ZNF284: variants seen among roughly 807,000 people sequenced by gnomAD.
ZNF284 encodes the protein zinc finger protein 284.
Under a neutral mutation model 12.9 loss-of-function variants are expected in ZNF284, and 12 were observed. The ratio of observed to expected loss-of-function variants is 0.93; its 90% CI spans 0.60 to 1.51. ZNF284 has a LOEUF of 1.51. Among genes scored for constraint, ZNF284 ranks in the 40% most tolerant of loss-of-function variants. The pLI, the probability that ZNF284 is intolerant of heterozygous loss-of-function variation, is 0.00. For synonymous variants in ZNF284, 225 were observed against 236.5 expected, an observed-to-expected ratio of 0.95 and a Z score of 0.45; for missense variants, 667 against 707.3, an observed-to-expected ratio of 0.94 and a Z score of 0.65.
intron 1 of ZNF284, among the ~76,000 whole-genome samples, chr19:44,074,059 G>A (rs1320874214): frequency 2.7e-5 from 4 of 150,898 alleles, no homozygotes. Context: ...TTTGGTAAAT[G>A]TTTCCTGATA....
At chr19:44,083,070 T>C (rs1967153446) in intron 4 of ZNF284, among the ~76,000 whole-genome samples, 1 of 152,124 alleles carries the variant, frequency 6.6e-6, no homozygotes, top group Non-Finnish European at 1.5e-5. Context: ...CCTCAAGACC[T>C]TCTGACCCTT....
Position 44,086,565 on chromosome 19 carries a change from A to G in ZNF284, c.1087A>G (p.Met363Val), listed in dbSNP as rs757814138. The G allele has an allele frequency of 5.0e-6, 8 of 1,614,116 alleles. No individual in the cohort carries two copies. Among genetic ancestry groups the G allele is most frequent in the Middle Eastern group, 1.6e-4 (1 of 6,084 alleles). Residue 363 changes from methionine to valine, a missense_variant, in exon 5 of 5, where the codon ATG (methionine) becomes GTG (valine). Met to Val is a conservative substitution (Grantham distance 21). Transcript: ENST00000421176. ...TCRQDLCKHQMDHTGDKPYNC... is the reference protein window; with the variant it reads ...TCRQDLCKHQVDHTGDKPYNC... ...TAGGCAAGATCTTTGTAAGCATCAG[A>G]TGGACCATACAGGAGACAAACCATA... is the stretch of plus-strand genomic sequence containing the variant.
At chr19:44,080,362 C>T (rs1358897501) in intron 2 of ZNF284, among the ~76,000 whole-genome samples, 6 of 152,090 alleles carry the variant, frequency 3.9e-5, no homozygotes, top group East Asian at 3.9e-4. Flanking sequence ...TTTGGGAGGC[C>T]GAGGCCGGCA....
intron 1 of ZNF284, among the ~76,000 whole-genome samples, chr19:44,073,522 A>G (rs965372790): frequency 4.6e-5 from 7 of 151,254 alleles, no homozygotes; most frequent in African/African-American, 1.7e-4. Context: ...ATGTAAAGAT[A>G]GTAACTGTTA....
intron 4 of ZNF284, among the ~76,000 whole-genome samples, chr19:44,082,922 T>C (rs1967151306): frequency 6.6e-6 from 1 of 152,190 alleles, no homozygotes; most frequent in Non-Finnish European, 1.5e-5. Context: ...TTAATATCTC[T>C]TGCTATATAA....
intron 1 of ZNF284, among the ~76,000 whole-genome samples, chr19:44,075,767 A>T (rs755708250): frequency 2.0e-5 from 3 of 152,176 alleles, no homozygotes; most frequent in Non-Finnish European, 4.4e-5. Flanking sequence ...CAATTCTATC[A>T]AGATGTATTT....
chr19:44,086,371 G>A lies in ZNF284; in HGVS notation c.893G>A (p.Ser298Asn), dbSNP rs1967246688. 1.2e-6 allele frequency: 2 copies of A among 1,613,982 alleles called. No homozygotes were observed. Among genetic ancestry groups the A allele is most frequent in the South Asian group, 2.2e-5 (2 of 91,076 alleles). Residue 298 changes from serine to asparagine, a missense_variant, in exon 5 of 5, where the codon AGT becomes AAT. Physicochemically the swap from Ser to Asn is conservative, Grantham distance 46 (BLOSUM62 1). Coordinates refer to ENST00000421176, the MANE Select transcript of ZNF284 (RefSeq NM_001037813.4). ...KCYICGKSFH[S>N]RSNLNRHSMV... ...TATATATGTGGTAAGAGCTTCCATAGTAGATCAAATCTTAATAGGCATTCC... is the reference window on the plus strand; with the variant it reads ...TATATATGTGGTAAGAGCTTCCATAATAGATCAAATCTTAATAGGCATTCC...
intron 1 of ZNF284, among the ~76,000 whole-genome samples, chr19:44,072,782 A>ATT (rs2147490187): frequency 2.0e-5 from 3 of 152,312 alleles, no homozygotes; most frequent in African/African-American, 7.2e-5. Context: ...ACCTCTTTTT[A>ATT]GGAAGGCGAG....
In ZNF284 at chr19:44,086,367, C is replaced by G; in HGVS notation, c.889C>G (p.His297Asp). The G allele has an allele frequency of 6.2e-7, 1 of 1,614,034 alleles. No homozygotes were observed. The highest frequency in any genetic ancestry group is 2.2e-5 in the East Asian group (1 of 44,880). ...ATGTTATATATGTGGTAAGAGCTTCCATAGTAGATCAAATCTTAATAGGCA... is the reference window on the plus strand; with the variant it reads ...ATGTTATATATGTGGTAAGAGCTTCGATAGTAGATCAAATCTTAATAGGCA... ...FKCYICGKSF[H>D]SRSNLNRHSM... The change falls in exon 5 of 5, where the codon CAT (histidine) becomes GAT (aspartate). Residue 297 changes from histidine to aspartate, a missense_variant. His to Asp is a moderately conservative substitution (Grantham distance 81). Transcript: ENST00000421176.
intron 1 of ZNF284, among the ~76,000 whole-genome samples, chr19:44,075,809 A>G (rs1036505585): frequency 1.3e-5 from 2 of 152,166 alleles, no homozygotes; most frequent in African/African-American, 4.8e-5. Context: ...TCAGGCATGG[A>G]ACTCCGTGAT....
intron 3 of ZNF284, 146 bp downstream of exon 3, chr19:44,081,287 C>A: frequency 9.0e-7 from 1 of 1,112,056 alleles, no homozygotes; most frequent in Non-Finnish European, 1.2e-6. Context: ...TTCATTGACT[C>A]ACAGTTCTGC....
At chr19:44,076,435 G>A (rs780109872) in intron 2 of ZNF284, 31 bp downstream of exon 2, 4 of 1,599,748 alleles carry the variant, frequency 2.5e-6, no homozygotes, top group Non-Finnish European at 3.4e-6. Context: ...TTGCTGTTCA[G>A]ATTCTGTTTT....
chr19:44,083,339 C>T lies in ZNF284; in HGVS notation c.235+1234C>T, dbSNP rs1190461799. 2.6e-5 allele frequency among the ~76,000 whole-genome samples: 4 copies of T among 151,308 alleles called. No homozygotes were observed. In the South Asian group the frequency reaches 6.3e-4, roughly 24 times the overall value. On this transcript the variant is annotated intron_variant, in intron 4 of 4. Coordinates refer to ENST00000421176, the MANE Select transcript of ZNF284 (RefSeq NM_001037813.4). ...ATCCCAGCTACTCGGGTGGCTGAGG[C>T]GTGAGAATCACTTGAACCCAGGAGC...
chr19:44,085,999 C>T lies in ZNF284; in HGVS notation c.521C>T (p.Ser174Phe). The change falls in exon 5 of 5, where the codon TCC (serine) becomes TTC (phenylalanine). Residue 174 changes from serine (S) to phenylalanine (F), a missense_variant. By Grantham distance (155) the Ser-to-Phe change is radical. Transcript: ENST00000421176. ...CAACAATTACACTCAGGAAAGATAT[C>T]CCATACATGTAATGAGTACAGGAAG... ...LHQQLHSGKI[S>F]HTCNEYRKRF... is the part of the protein sequence containing the mutation. 1 of 1,614,108 alleles carries T rather than the reference C, an allele frequency of 6.2e-7. No homozygotes were observed.
chr19:44,083,847 G>A (rs1967178297), intron 4 of ZNF284, among the ~76,000 whole-genome samples: 1 of 152,088 alleles, frequency 6.6e-6, no homozygotes, highest in Non-Finnish European at 1.5e-5. Context: ...GCCCCCACAT[G>A]GTGTGTGCAG....
chr19:44,077,704 T>C (rs900468526), intron 2 of ZNF284, among the ~76,000 whole-genome samples: 8 of 152,100 alleles, frequency 5.3e-5, no homozygotes, highest in African/African-American at 1.9e-4. Flanking sequence ...ATATGTGAAA[T>C]ATGAGAAACC....
At chr19:44,081,563 A>AG (rs889038116) in intron 3 of ZNF284, among the ~76,000 whole-genome samples, 2 of 151,852 alleles carry the variant, frequency 1.3e-5, no homozygotes, top group African/African-American at 4.8e-5. Flanking sequence ...TACAAAAAAA[A>AG]TTGCCGGGCG....
chr19:44,082,690 G>A (rs1431357672), intron 4 of ZNF284, among the ~76,000 whole-genome samples: 1 of 152,130 alleles, frequency 6.6e-6, no homozygotes, highest in Non-Finnish European at 1.5e-5. Context: ...CCAATCCCTA[G>A]GCACTGTCCA....
In ZNF284 at chr19:44,087,308, A is replaced by G. The variant is rs535855267; in HGVS notation, c.*48A>G. The G allele has an allele frequency of 6.5e-5, 81 of 1,250,958 alleles. No individual in the cohort carries two copies. In the African/African-American group the frequency reaches 7.4e-4, roughly 11 times the overall value. The allele number at this position is 1,250,958 out of a possible 1,614,324, so 77.5% of individuals were successfully genotyped here. Reference sequence around the variant, plus strand: ...ACAGCATATTTCAATACATGTATACAATGTATAATGATCAAATCAGTGTTA... The same window carrying G: ...ACAGCATATTTCAATACATGTATACGATGTATAATGATCAAATCAGTGTTA... On this transcript the variant is annotated 3_prime_UTR_variant, in exon 5 of 5. Transcript: ENST00000421176.
Sources: gnomAD v4.1 joint callset for allele counts (sites outside exome capture counted in the v4.1 genomes callset) on GRCh38, gnomAD v4.1.1 for gene constraint, MANE v1.5 for transcripts, NCBI Gene and HGNC (gene_info 2026-07-23, HGNC 2026-07-21) for gene names.